The following SAMD12 variants were observed in gnomAD, a reference collection of about 807,000 sequenced individuals.
SAMD12 encodes the protein sterile alpha motif domain-containing protein 12.
SAMD12 carries 9 observed loss-of-function variants against 15.0 expected under a neutral mutation model. That is an observed-to-expected ratio of 0.60 (90% CI 0.36 to 1.05). SAMD12 has a LOEUF of 1.05. Ranked by LOEUF, SAMD12 falls within the 50% of genes least tolerant of loss-of-function variation. The pLI, the probability that SAMD12 is intolerant of heterozygous loss-of-function variation, is 0.01. For missense variants in SAMD12, 230 were observed against 234.2 expected (o/e 0.98, Z 0.12); for synonymous variants, 86 against 90.1 (o/e 0.96, Z 0.25).
At chr8:118,253,382 A>C (rs1239300379) in intron 4 of SAMD12, among the ~76,000 whole-genome samples, 1 of 152,222 alleles carries the variant, frequency 6.6e-6, no homozygotes, top group Non-Finnish European at 1.5e-5. Flanking sequence ...TTTCTGTACC[A>C]TGATTAAATA....
At chr8:118,159,132 G>A in the SAMD12 span, among the ~76,000 whole-genome samples, 1 of 152,028 alleles carries the variant, frequency 6.6e-6, no homozygotes, top group Non-Finnish European at 1.5e-5. Context: ...AGAGAAGAGG[G>A]AAGAACTGTG....
At chr8:118,179,258 A>G in the SAMD12 span, among the ~76,000 whole-genome samples, 4 of 151,950 alleles carry the variant, frequency 2.6e-5, no homozygotes, top group African/African-American at 9.7e-5. Flanking sequence ...ACCAACATGG[A>G]GAAATCCCAT....
At chr8:118,199,202 C>T (rs1819645114) in intron 4 of SAMD12, among the ~76,000 whole-genome samples, 1 of 152,082 alleles carries the variant, frequency 6.6e-6, no homozygotes, top group Admixed American at 6.5e-5. Context: ...TTTTGCAAAA[C>T]AACAACAAAA....
chr8:118,198,880 C>A (rs1359532744), intron 4 of SAMD12, among the ~76,000 whole-genome samples: 1 of 150,936 alleles, frequency 6.6e-6, no homozygotes, highest in African/African-American at 2.5e-5. Flanking sequence ...GGAGTATATC[C>A]TAAGGAAATA....
chr8:118,212,058 GAT>G (rs1246984926), intron 4 of SAMD12, among the ~76,000 whole-genome samples: 5 of 134,898 alleles, frequency 3.7e-5, no homozygotes, highest in African/African-American at 1.3e-4. Flanking sequence ...GTGTGTTGCA[GAT>G]TTTGTGTGTG....
intron 3 of SAMD12, among the ~76,000 whole-genome samples, chr8:118,438,318 T>C (rs1822632291): frequency 6.6e-6 from 1 of 152,194 alleles, no homozygotes; most frequent in South Asian, 2.1e-4. Context: ...AATTGGGTGT[T>C]TTCCCTATAT....
At position 118,563,300 on chromosome 8, in the gene SAMD12, A is replaced by G. The variant is rs529876605; in HGVS notation, c.192+17415T>C. On this transcript the variant is annotated intron_variant, in intron 2 of 3. Transcript: ENST00000314727. ...ATCAAATATCACATATACTTTTTAAAAGAATGAGTAGAAAAATATGCATGA... is the reference window on the plus strand; with the variant it reads ...ATCAAATATCACATATACTTTTTAAGAGAATGAGTAGAAAAATATGCATGA... Among the ~76,000 whole-genome samples, 3 of 152,346 alleles carry G rather than the reference A, an allele frequency of 2.0e-5. No homozygotes were observed. The East Asian group carries it at 5.8e-4, about 29-fold the overall frequency.
Position 118,320,459 on chromosome 8 carries a change from T to C in SAMD12, c.433+59101A>G, listed in dbSNP as rs554175528. ...CTTTTCAAGAATGTTTTTATTTTCT[T>C]TTTTTGTTTGTTTCTTTCAAGAATG... is the stretch of plus-strand genomic sequence containing the variant. On this transcript the variant is annotated intron_variant, in intron 4 of 4. Transcript: ENST00000409003. 2.6e-5 allele frequency among the ~76,000 whole-genome samples: 4 copies of C among 152,332 alleles called. No homozygotes were observed. The East Asian group carries it at 7.7e-4, about 29-fold the overall frequency.
At chr8:118,510,913 T>C (rs1291075420) in intron 2 of SAMD12, among the ~76,000 whole-genome samples, 1 of 152,252 alleles carries the variant, frequency 6.6e-6, no homozygotes, top group Non-Finnish European at 1.5e-5. Flanking sequence ...ACTTTACTAC[T>C]AAGTTTAATG....
intron 2 of SAMD12, among the ~76,000 whole-genome samples, chr8:118,458,547 T>C (rs755713313): frequency 4.6e-5 from 7 of 152,218 alleles, no homozygotes; most frequent in Non-Finnish European, 7.3e-5. Context: ...ATTTTTCTGA[T>C]GCTTTAAAGA....
intron 2 of SAMD12, among the ~76,000 whole-genome samples, chr8:118,565,999 C>T (rs1203446943): frequency 1.3e-5 from 2 of 152,206 alleles, no homozygotes; most frequent in African/African-American, 2.4e-5. Context: ...TTCCTCATCT[C>T]CCTGTTTCTG....
intron 4 of SAMD12, among the ~76,000 whole-genome samples, chr8:118,333,515 C>T (rs972347395): frequency 6.6e-6 from 1 of 151,942 alleles, no homozygotes; most frequent in Admixed American, 6.6e-5. Context: ...AGAATTTCCT[C>T]ACCCACACCT....
intron 3 of SAMD12, among the ~76,000 whole-genome samples, chr8:118,383,027 G>A (rs1250473739): frequency 6.6e-6 from 1 of 152,088 alleles, no homozygotes; most frequent in Non-Finnish European, 1.5e-5. Context: ...ACCACCTCCT[G>A]CTGAATACAA....
chr8:118,362,823 T>C (rs1240002983), intron 4 of SAMD12, among the ~76,000 whole-genome samples: 1 of 152,216 alleles, frequency 6.6e-6, no homozygotes, highest in East Asian at 1.9e-4. Flanking sequence ...TCTAACAAGA[T>C]TAAGATTACT....
the SAMD12 span, among the ~76,000 whole-genome samples, chr8:118,146,919 G>A: frequency 6.6e-6 from 1 of 152,180 alleles, no homozygotes; most frequent in Non-Finnish European, 1.5e-5. Flanking sequence ...GATTATTGAG[G>A]ACAGTAATGA....
chr8:118,211,705 ATTC>A (rs1811830908), intron 4 of SAMD12, among the ~76,000 whole-genome samples: 4 of 151,234 alleles, frequency 2.6e-5, no homozygotes, highest in African/African-American at 7.3e-5. Context: ...TTAATTTTCT[ATTC>A]TTCTGAACAG....
intron 2 of SAMD12, among the ~76,000 whole-genome samples, chr8:118,496,370 G>T (rs1824610162): frequency 6.6e-6 from 1 of 152,112 alleles, no homozygotes; most frequent in Non-Finnish European, 1.5e-5. Context: ...CATAAAAACA[G>T]ACACAGAGAC....
intron 4 of SAMD12, among the ~76,000 whole-genome samples, chr8:118,269,220 CTGTGTG>C (rs71515963): frequency 0.091 from 11,093 of 122,524 alleles, 576 homozygotes; most frequent in South Asian, 0.23. Context: ...CTCTCTCTCT[CTGTGTG>C]TGTGTGTGTG....
intron 2 of SAMD12, among the ~76,000 whole-genome samples, chr8:118,517,078 C>G (rs1472717714): frequency 6.6e-6 from 1 of 152,172 alleles, no homozygotes; most frequent in East Asian, 1.9e-4. Context: ...TATTCTCCTT[C>G]TAGGGGTAAG....
Sources: gnomAD v4.1 joint callset for allele counts (sites outside exome capture counted in the v4.1 genomes callset) on GRCh38, gnomAD v4.1.1 for gene constraint, MANE v1.5 for transcripts, NCBI Gene and HGNC (gene_info 2026-07-23, HGNC 2026-07-21) for gene names.